The following RYR1 variants were observed in gnomAD, a reference collection of about 807,000 sequenced individuals.
RYR1 encodes ryanodine receptor 1.
A neutral mutation model predicts 583.5 loss-of-function variants in RYR1; 342 were observed. That is an observed-to-expected ratio of 0.59 (90% CI 0.54 to 0.64). The LOEUF (loss-of-function observed/expected upper bound fraction) is 0.64, where lower values mean the gene tolerates loss of function less well. Among genes scored for constraint, RYR1 ranks in the 30% least tolerant of loss-of-function variants. The pLI is 0.00. For missense variants in RYR1, 6,032 were observed against 6,917.2 expected, an observed-to-expected ratio of 0.87 and a Z score of 4.54; for synonymous variants, 2,791 against 2,822.5, an observed-to-expected ratio of 0.99 and a Z score of 0.35.
At chr19:38,435,560 C>T (rs1046789429) in intron 1 of RYR1, among the ~76,000 whole-genome samples, 10 of 151,996 alleles carry the variant, frequency 6.6e-5, no homozygotes, top group Admixed American at 2.6e-4. Context: ...GGTGAAACCC[C>T]GTCTCTACTA....
intron 76 of RYR1, among the ~76,000 whole-genome samples, chr19:38,531,501 A>G (rs1320413985): frequency 6.6e-6 from 1 of 151,894 alleles, no homozygotes; most frequent in East Asian, 1.9e-4. Context: ...GAGGAGACCC[A>G]AGCAGAAAGG....
At chr19:38,465,991 C>G (rs779975894) in intron 23 of RYR1, 100 bp from the exon 24 acceptor site, 1 of 1,176,622 alleles carries the variant, frequency 8.5e-7, no homozygotes, top group South Asian at 1.3e-5. Context: ...TCAGAAACGC[C>G]GAAGCTGGGA....
At chr19:38,468,038 C>T (rs1194164429) in intron 25 of RYR1, among the ~76,000 whole-genome samples, 1 of 142,054 alleles carries the variant, frequency 7.0e-6, no homozygotes, top group Admixed American at 7.4e-5. Context: ...TCCATCCATC[C>T]ATCCATCCAT....
chr19:38,562,851 T>TC (rs1265170636), intron 90 of RYR1, among the ~76,000 whole-genome samples: 4 of 152,030 alleles, frequency 2.6e-5, no homozygotes, highest in African/African-American at 9.7e-5. Context: ...TTACTCCTGA[T>TC]CCCTCCCTGG....
intron 31 of RYR1, among the ~76,000 whole-genome samples, chr19:38,480,533 AGT>A (rs1968957126): frequency 6.6e-6 from 1 of 152,186 alleles, no homozygotes; most frequent in Non-Finnish European, 1.5e-5. Flanking sequence ...CTCTGTTTTC[AGT>A]GTGTAGCTTT....
chr19:38,581,531 A>G (rs1354265535), intron 101 of RYR1, among the ~76,000 whole-genome samples: 2 of 151,890 alleles, frequency 1.3e-5, no homozygotes, highest in Non-Finnish European at 2.9e-5. Context: ...GATACTTTGA[A>G]CAGTGCCAGG....
At chr19:38,435,347 G>A (rs28470238) in intron 1 of RYR1, among the ~76,000 whole-genome samples, 13,954 of 152,220 alleles carry the variant, frequency 0.092, 2,106 homozygotes, top group African/African-American at 0.31. Context: ...AGTAGTCAGC[G>A]TTAGGGTTCT....
chr19:38,519,295 A>T lies in RYR1; in HGVS notation c.10100A>T (p.Lys3367Met), dbSNP rs118192126. The T allele has an allele frequency of 6.2e-7, 1 of 1,614,004 alleles. No individual in the cohort carries two copies. Among genetic ancestry groups the T allele is most frequent in the African/African-American group, 1.3e-5 (1 of 74,938 alleles). Residue 3367 changes from lysine to methionine, a missense_variant, in exon 67 of 106, where the codon AAG becomes ATG. Coordinates refer to ENST00000359596, the MANE Select transcript of RYR1 (RefSeq NM_000540.3). ...ATCCCAACTATCGGGCGGCTGCGCA[A>T]GAGGGCAGGGAAGGTGGTGTCCGAG... ...HFIPTIGRLRKRAGKVVSEEE... is the reference protein window; with the variant it reads ...HFIPTIGRLRMRAGKVVSEEE...
chr19:38,523,055 C>A lies in RYR1; in HGVS notation c.10287C>A (p.Pro3429=). The A allele has an allele frequency of 6.2e-7, 1 of 1,609,422 alleles. No homozygotes were observed. Among genetic ancestry groups the A allele is most frequent in the Non-Finnish European group, 8.5e-7 (1 of 1,178,716 alleles). Reference sequence around the variant, plus strand: ...CGCAGTGGCTGACGGAGCCGAATCCCAGCGCGGAGGAGCTGTTCAGGATGG... The same window carrying A: ...CGCAGTGGCTGACGGAGCCGAATCCAAGCGCGGAGGAGCTGTTCAGGATGG... ...NRAQWLTEPN[P]SAEELFRMVG... is the part of the protein sequence containing the mutation. Residue 3429 remains proline (P), a synonymous_variant, in exon 68 of 106, where the codon CCC becomes CCA. Transcript: ENST00000359596.
intron 87 of RYR1, among the ~76,000 whole-genome samples, chr19:38,545,110 A>G (rs1429136560): frequency 5.9e-5 from 9 of 152,018 alleles, no homozygotes; most frequent in South Asian, 2.1e-4. Flanking sequence ...TGACTAGCCT[A>G]TTGGGTCACA....
Position 38,565,418 on chromosome 19 carries a change from C to G in RYR1, c.13084C>G (p.Leu4362Val). The change falls in exon 91 of 106, where the codon CTG (leucine) becomes GTG (valine). Residue 4362 changes from leucine (L) to valine (V), a missense_variant. Leu to Val is a conservative substitution (Grantham distance 32). Around this residue, in one of 11 missense-constraint regions of RYR1, gnomAD observed 753 missense variants for 759.6 expected, o/e 0.99. Transcript: ENST00000359596. This position sits in a 1 kb window ranked among gnomAD's most constrained non-coding sequence, Gnocchi z 4.7. ...CGCGCTGGGCCTGCTCTGGGGCTCG[C>G]TGTTCGGCGGCGGCCTGGTGGAGGG... Reference protein sequence around the residue: ...AGALGLLWGSLFGGGLVEGAK... With the variant: ...AGALGLLWGSVFGGGLVEGAK... 1 of 1,484,142 alleles carries G rather than the reference C, an allele frequency of 6.7e-7. No individual in the cohort carries two copies. The highest frequency in any genetic ancestry group is 8.9e-7 in the Non-Finnish European group (1 of 1,124,046). 91.9% of individuals were successfully genotyped at this position (1,484,142 alleles called of 1,614,324 possible).
In RYR1 at chr19:38,567,883, G is replaced by T; in HGVS notation, c.13625G>T (p.Trp4542Leu). 1 of 1,613,850 alleles carries T rather than the reference G, an allele frequency of 6.2e-7. No individual in the cohort carries two copies. Residue 4542 changes from tryptophan (W) to leucine (L), a missense_variant, in exon 93 of 106, where the codon TGG becomes TTG. By Grantham distance (61) the Trp-to-Leu change is moderately conservative (BLOSUM62 -2). Coordinates refer to ENST00000359596, the MANE Select transcript of RYR1 (RefSeq NM_000540.3). Reference protein sequence around the residue: ...PKKEEAGGEFWGELEVQRVKF... With the variant: ...PKKEEAGGEFLGELEVQRVKF... ...AAGGAGGAAGCTGGAGGCGAATTCT[G>T]GGGAGAACTGGAGGTGCAGAGGGTG...
In RYR1 at chr19:38,580,037, ACTT is replaced by A. The variant is rs1555803810; in HGVS notation, c.14427_14429del (p.Phe4810del). The A allele has an allele frequency of 3.7e-6, 6 of 1,614,060 alleles. No homozygotes were observed. The highest frequency in any genetic ancestry group is 5.1e-6 in the Non-Finnish European group (6 of 1,180,006). ...ATGTCCCTCTTGGGACACTACAACA[ACTT>A]CTTCTTTGCTGCCCATCTCCTGGAC... On this transcript the variant is annotated inframe_deletion, in exon 100 of 106. Transcript: ENST00000359596.
rs1397547821 is a variant in RYR1, at chr19:38,443,452, G to C, written c.271-106G>C. 3 of 983,740 alleles carry C rather than the reference G, an allele frequency of 3.0e-6. No individual in the cohort carries two copies. In the African/African-American group the frequency reaches 4.8e-5, roughly 16 times the overall value. 60.9% of individuals were successfully genotyped at this position (983,740 alleles called of 1,614,324 possible). ...CTGTTTTACCTCTAGGCCTGAGCAT[G>C]GTATTTTACAGGGAGCATCTTGTCA... On this transcript the variant is annotated intron_variant, in intron 3 of 105. Coordinates refer to ENST00000359596, the MANE Select transcript of RYR1 (RefSeq NM_000540.3).
At chr19:38,491,148 T>A (rs1050462161) in intron 37 of RYR1, among the ~76,000 whole-genome samples, 2 of 152,202 alleles carry the variant, frequency 1.3e-5, no homozygotes, top group African/African-American at 4.8e-5. Context: ...CCCTTGCACA[T>A]GATGAATTAT....
chr19:38,497,157 C>T (rs758203890), intron 42 of RYR1, among the ~76,000 whole-genome samples: 3 of 151,954 alleles, frequency 2.0e-5, no homozygotes, highest in Non-Finnish European at 2.9e-5. Context: ...TGGGCCGGTC[C>T]GCACTCCACG....
At chr19:38,508,448 G>C (rs1335644421) in intron 58 of RYR1, among the ~76,000 whole-genome samples, 1 of 152,222 alleles carries the variant, frequency 6.6e-6, no homozygotes, top group South Asian at 2.1e-4. Context: ...TCTCGACCTC[G>C]TGATCTGCCG....
rs569854681 is a variant in RYR1, at chr19:38,533,353, G to A, written c.11259+617G>A. Among the ~76,000 whole-genome samples the A allele has an allele frequency of 1.1e-4, 16 of 152,180 alleles. No homozygotes were observed. In the South Asian group the frequency reaches 3.3e-3, roughly 32 times the overall value. ...CTGTTTCTGTGCCAGAGTCCCTTCT[G>A]GCATCTGGTGAAGACTTTCTCAGGA... On this transcript the variant is annotated intron_variant, in intron 78 of 105. Coordinates refer to ENST00000359596, the MANE Select transcript of RYR1 (RefSeq NM_000540.3).
intron 89 of RYR1, among the ~76,000 whole-genome samples, chr19:38,550,640 T>C (rs947150836): frequency 6.6e-6 from 1 of 152,056 alleles, no homozygotes; most frequent in Non-Finnish European, 1.5e-5. Context: ...CCACCCAAAG[T>C]GCTGGGATTA....
Sources: gnomAD v4.1 joint callset for allele counts (sites outside exome capture counted in the v4.1 genomes callset) on GRCh38, gnomAD v4.1.1 for gene constraint, gnomAD v4.1.1 regional missense constraint, Gnocchi (gnomAD v3.1) non-coding constraint, MANE v1.5 for transcripts, NCBI Gene and HGNC (gene_info 2026-07-23, HGNC 2026-07-21) for gene names.